The following PCDHGA10 variants were observed in gnomAD, a reference collection of about 807,000 sequenced individuals.
The protein encoded by PCDHGA10 is protocadherin gamma-A10.
Under a neutral mutation model 59.5 loss-of-function variants are expected in PCDHGA10, and 42 were observed. The observed-to-expected ratio is 0.71, with a 90% CI of 0.55 to 0.91. The LOEUF (loss-of-function observed/expected upper bound fraction) is 0.91, where lower values mean the gene tolerates loss of function less well. Ranked by LOEUF, PCDHGA10 falls within the 40% of genes least tolerant of loss-of-function variation. PCDHGA10 has a pLI of 0.00. For synonymous variants in PCDHGA10, 511 were observed against 517.2 expected (o/e 0.99, Z 0.16); for missense variants, 1,111 against 1,198.2 (o/e 0.93, Z 1.07).
intron 2 of PCDHGA10, among the ~76,000 whole-genome samples, chr5:141,500,184 T>TTTTATTTATTTATTTA (rs58019021): frequency 1.5e-5 from 2 of 135,886 alleles, no homozygotes; most frequent in African/African-American, 5.4e-5. Flanking sequence ...TCATTTTTAT[T>TTTTATTTATTTATTTA]TTTATTTATT....
chr5:141,489,776 C>T lies in PCDHGA10; in HGVS notation c.2437-5031C>T. The T allele has an allele frequency of 6.2e-7, 1 of 1,614,202 alleles. No homozygotes were observed. Among genetic ancestry groups the T allele is most frequent in the Non-Finnish European group, 8.5e-7 (1 of 1,180,020 alleles). On this transcript the variant is annotated intron_variant, in intron 1 of 3. Transcript: ENST00000398610. This position sits in a 1 kb window ranked among gnomAD's most constrained non-coding sequence, Gnocchi z 4.5. ...ACTCTAAGCCCCAACAGCCACTTCT[C>T]TCTGAATGTGAAGACCCTAAAAGAT...
At position 141,476,792 on chromosome 5, in the gene PCDHGA10, G is replaced by T. The variant is rs376910320; in HGVS notation, c.2437-18015G>T. ...GGACGGAGGGACCCCAGCTCTCTCC[G>T]CCAGCCTGCCTATTCACATCAAGGT... On this transcript the variant is annotated intron_variant, in intron 1 of 3. Coordinates refer to ENST00000398610, the MANE Select transcript of PCDHGA10 (RefSeq NM_018913.3). The surrounding 1 kb of genome is among the most constrained non-coding windows in gnomAD (Gnocchi z 7.6). 4.3e-6 allele frequency: 7 copies of T among 1,612,720 alleles called. No individual in the cohort carries two copies. Among genetic ancestry groups the T allele is most frequent in the Non-Finnish European group, 5.1e-6 (6 of 1,179,958 alleles).
chr5:141,415,905 C>T (rs1278855649), intron 1 of PCDHGA10: 5 of 801,160 alleles, frequency 6.2e-6, no homozygotes, highest in Non-Finnish European at 8.6e-6. Context: ...GACAGACTTC[C>T]ATACAGAAGT....
At chr5:141,423,126 G>A (rs1397550571) in intron 1 of PCDHGA10, 1 of 1,613,622 alleles carries the variant, frequency 6.2e-7, no homozygotes, top group Non-Finnish European at 8.5e-7. Context: ...CGCGGGCACT[G>A]CTGGACAGAG....
At chr5:141,448,573 A>AT (rs976781630) in intron 1 of PCDHGA10, among the ~76,000 whole-genome samples, 10 of 151,772 alleles carry the variant, frequency 6.6e-5, no homozygotes, top group East Asian at 5.8e-4. Flanking sequence ...TTATTTCCCC[A>AT]TTTTTTTTAC....
Position 141,414,812 on chromosome 5 carries a change from T to C in PCDHGA10, c.1637T>C (p.Leu546Pro), listed in dbSNP as rs1389980970. Residue 546 changes from leucine to proline, a missense_variant, in exon 1 of 4, where the codon CTC becomes CCC. Transcript: ENST00000398610. ...VTASDSGDPPLSSNVSLSLFV... is the reference protein window; with the variant it reads ...VTASDSGDPPPSSNVSLSLFV... ...GCCAGCGACAGCGGGGATCCTCCAC[T>C]CAGCAGCAACGTGTCGTTGAGCCTG... The C allele has an allele frequency of 6.2e-7, 1 of 1,614,172 alleles. No individual in the cohort carries two copies. The highest frequency in any genetic ancestry group is 1.1e-5 in the South Asian group (1 of 91,078).
chr5:141,489,088 G>GCCAA lies in PCDHGA10; in HGVS notation c.2437-5719_2437-5718insCCAA. The GCCAA allele has an allele frequency of 2.9e-6, 1 of 347,240 alleles. No individual in the cohort carries two copies. Among genetic ancestry groups the GCCAA allele is most frequent in the Non-Finnish European group, 5.0e-6 (1 of 200,708 alleles). The allele number at this position is 347,240 out of a possible 1,614,324, so 21.5% of individuals were successfully genotyped here. A position where few individuals can be genotyped will look rare whatever the true frequency, so the allele number is the denominator to read the frequency against. ...CCCCTGCCCACCCCCGCCACTCGGT[G>GCCAA]ACTAAGAACTGCTGCAAGCAGGCAA... On this transcript the variant is annotated intron_variant, in intron 1 of 3. Transcript: ENST00000398610. This position sits in a 1 kb window ranked among gnomAD's most constrained non-coding sequence, Gnocchi z 4.5.
At chr5:141,423,800 T>A in intron 1 of PCDHGA10, 2 of 895,132 alleles carry the variant, frequency 2.2e-6, no homozygotes, top group Non-Finnish European at 2.9e-6. Flanking sequence ...TTTAGAGCAA[T>A]ACATGTGAGT....
chr5:141,476,920 A>G lies in PCDHGA10; in HGVS notation c.2437-17887A>G. The G allele has an allele frequency of 6.2e-7, 1 of 1,614,094 alleles. No individual in the cohort carries two copies. The highest frequency in any genetic ancestry group is 1.1e-5 in the South Asian group (1 of 91,088). On this transcript the variant is annotated intron_variant, in intron 1 of 3. Coordinates refer to ENST00000398610, the MANE Select transcript of PCDHGA10 (RefSeq NM_018913.3). This position sits in a 1 kb window ranked among gnomAD's most constrained non-coding sequence, Gnocchi z 7.6. ...GCACGCGCGTGGTACAAGTCCTTGC[A>G]ACGGATCTGGATGAAGGCCCCAACG...
chr5:141,420,293 A>T (rs1478341095), intron 1 of PCDHGA10: 1 of 1,485,484 alleles, frequency 6.7e-7, no homozygotes, highest in Admixed American at 2.2e-5. Context: ...TTAAAAATGT[A>T]TTTAATCCTT....
Position 141,424,165 on chromosome 5 carries a change from A to G in PCDHGA10, c.2436+8554A>G, listed in dbSNP as rs1328883463. 2.8e-5 allele frequency: 7 copies of G among 251,918 alleles called. No individual in the cohort carries two copies. The South Asian group carries it at 4.6e-4, about 17-fold the overall frequency. The allele number at this position is 251,918 out of a possible 1,614,324, so 15.6% of individuals were successfully genotyped here. On this transcript the variant is annotated intron_variant, in intron 1 of 3. Transcript: ENST00000398610. Reference sequence around the variant, plus strand: ...CTCCCTCTAGCTCTCCTTCTCATCTATCTATCTATACACATGCACACACAC... The same window carrying G: ...CTCCCTCTAGCTCTCCTTCTCATCTGTCTATCTATACACATGCACACACAC...
At position 141,487,565 on chromosome 5, in the gene PCDHGA10, G is replaced by A. The variant is rs1473034794; in HGVS notation, c.2437-7242G>A. ...GTCACCCAGTGCACCTATGGCAGGGGAGCCTGTTCGCCCAAGCTGCCCACC... is the reference window on the plus strand; with the variant it reads ...GTCACCCAGTGCACCTATGGCAGGGAAGCCTGTTCGCCCAAGCTGCCCACC... On this transcript the variant is annotated intron_variant, in intron 1 of 3. Transcript: ENST00000398610. This position sits in a 1 kb window ranked among gnomAD's most constrained non-coding sequence, Gnocchi z 5.0. The A allele has an allele frequency of 6.2e-7, 1 of 1,614,164 alleles. No individual in the cohort carries two copies. Among genetic ancestry groups the A allele is most frequent in the East Asian group, 2.2e-5 (1 of 44,856 alleles).
At chr5:141,500,469 AAAG>A (rs1479386829) in intron 2 of PCDHGA10, among the ~76,000 whole-genome samples, 1 of 152,052 alleles carries the variant, frequency 6.6e-6, no homozygotes, top group Non-Finnish European at 1.5e-5. Context: ...TCGGCCTCCC[AAAG>A]TGCTGGGATT....
At position 141,511,940 on chromosome 5, in the gene PCDHGA10, G is replaced by A. The variant is rs2099884015; in HGVS notation, c.*767G>A. 1 of 154,118 alleles carries A rather than the reference G, an allele frequency of 6.5e-6. No homozygotes were observed. The highest frequency in any genetic ancestry group is 1.9e-4 in the East Asian group (1 of 5,214). 9.5% of individuals were successfully genotyped at this position (154,118 alleles called of 1,614,324 possible). ...TCCACTGCATGTTCCAAGACAGTAT[G>A]GGGTGGTAAGATAAGGAAGGGAAGT... On this transcript the variant is annotated 3_prime_UTR_variant, in exon 4 of 4. Coordinates refer to ENST00000398610, the MANE Select transcript of PCDHGA10 (RefSeq NM_018913.3).
At chr5:141,502,001 C>T (rs2099812274) in intron 2 of PCDHGA10, among the ~76,000 whole-genome samples, 2 of 152,106 alleles carry the variant, frequency 1.3e-5, no homozygotes, top group Admixed American at 1.3e-4. Flanking sequence ...CCCTGACAAC[C>T]CGCATGCTCT....
chr5:141,423,758 G>C lies in PCDHGA10; in HGVS notation c.2436+8147G>C, dbSNP rs1192987646. 54 of 366,760 alleles carry C rather than the reference G, an allele frequency of 1.5e-4. 3 individuals carry two copies. The highest frequency in any genetic ancestry group is 1.4e-4 in the Non-Finnish European group (36 of 259,732). 22.7% of individuals were successfully genotyped at this position (366,760 alleles called of 1,614,324 possible). A position where few individuals can be genotyped will look rare whatever the true frequency, so the allele number is the denominator to read the frequency against. Reference sequence around the variant, plus strand: ...CTGTTATGAAAACTGTTTGGGGGGGGGGTGGGGCGGCATATATTTAGTTCA... The same window carrying C: ...CTGTTATGAAAACTGTTTGGGGGGGCGGTGGGGCGGCATATATTTAGTTCA... On this transcript the variant is annotated intron_variant, in intron 1 of 3. Transcript: ENST00000398610.
intron 1 of PCDHGA10, among the ~76,000 whole-genome samples, chr5:141,433,399 CTA>C (rs1491097109): frequency 1.1e-4 from 17 of 150,894 alleles, no homozygotes; most frequent in African/African-American, 4.1e-4. Context: ...ATCTATCTAT[CTA>C]TCTATTACTT....
At chr5:141,438,883 C>T (rs1026043786) in intron 1 of PCDHGA10, among the ~76,000 whole-genome samples, 4 of 151,728 alleles carry the variant, frequency 2.6e-5, no homozygotes, top group Non-Finnish European at 5.9e-5. Context: ...CCAGGCTGCT[C>T]TTGAACTCCT....
At chr5:141,428,058 G>A (rs752468507) in intron 1 of PCDHGA10, 4 of 1,609,140 alleles carry the variant, frequency 2.5e-6, no homozygotes, top group South Asian at 1.1e-5. Flanking sequence ...GGTGGTGGCG[G>A]TGGACGCAGA....
Sources: allele counts gnomAD v4.1 joint callset (sites outside exome capture counted in the v4.1 genomes callset), GRCh38; gene constraint gnomAD v4.1.1; non-coding constraint Gnocchi (gnomAD v3.1); transcripts MANE v1.5; gene names NCBI Gene and HGNC (gene_info 2026-07-23, HGNC 2026-07-21).